GALNT13: variants seen among roughly 807,000 people sequenced by gnomAD.
GALNT13 encodes polypeptide N-acetylgalactosaminyltransferase 13, also known as UDP-GalNAc:polypeptide N-acetylgalactosaminyltransferase 13.
A neutral mutation model predicts 64.2 loss-of-function variants in GALNT13; 28 were observed. The ratio of observed to expected loss-of-function variants is 0.44; its 90% CI spans 0.32 to 0.60. The LOEUF is 0.60. GALNT13 is among the 20% of genes least tolerant of loss of function. GALNT13 has a pLI of 0.05. For synonymous variants in GALNT13, 214 were observed against 224.6 expected (o/e 0.95, Z 0.42); for missense variants, 577 against 669.8 (o/e 0.86, Z 1.53).
At chr2:153,946,634 A>G (rs1045866688) in intron 3 of GALNT13, among the ~76,000 whole-genome samples, 1 of 152,138 alleles carries the variant, frequency 6.6e-6, no homozygotes. Context: ...TCTCTGGGGC[A>G]TATTTTATAA....
the GALNT13 span, among the ~76,000 whole-genome samples, chr2:153,843,736 G>A: frequency 2.6e-5 from 4 of 152,156 alleles, no homozygotes; most frequent in Non-Finnish European, 4.4e-5. Context: ...GACACAATGT[G>A]GTATAGGCAT....
chr2:153,322,287 A>C, the GALNT13 span, among the ~76,000 whole-genome samples: 2 of 151,936 alleles, frequency 1.3e-5, no homozygotes, highest in Non-Finnish European at 1.5e-5. Flanking sequence ...TTCTGCCTTA[A>C]TTTCCTTAGG....
chr2:154,245,037 C>T (rs1689701267), intron 6 of GALNT13, among the ~76,000 whole-genome samples: 1 of 151,562 alleles, frequency 6.6e-6, no homozygotes, highest in Admixed American at 6.6e-5. Context: ...ACCTGGGAGG[C>T]AGAGTTTGCA....
the GALNT13 span, among the ~76,000 whole-genome samples, chr2:153,522,874 A>C: frequency 1.7e-3 from 260 of 152,180 alleles, 1 homozygote; most frequent in African/African-American, 6.0e-3. Context: ...CCAATTTATC[A>C]ATTCCTTCTT....
At chr2:154,022,362 T>G (rs1367713595) in intron 3 of GALNT13, among the ~76,000 whole-genome samples, 1 of 152,186 alleles carries the variant, frequency 6.6e-6, no homozygotes, top group Non-Finnish European at 1.5e-5. Context: ...AAGCTATTGA[T>G]TATTGCCACA....
At chr2:154,439,891 G>A (rs1701197865) in intron 12 of GALNT13, among the ~76,000 whole-genome samples, 1 of 152,054 alleles carries the variant, frequency 6.6e-6, no homozygotes, top group African/African-American at 2.4e-5. Flanking sequence ...TGTTGTACCA[G>A]TGTGATTAAG....
At chr2:154,266,868 C>T (rs930167951) in intron 8 of GALNT13, among the ~76,000 whole-genome samples, 9 of 151,372 alleles carry the variant, frequency 5.9e-5, no homozygotes, top group African/African-American at 1.9e-4. Flanking sequence ...TGATTCTATC[C>T]ATATAGATAT....
At chr2:153,152,580 A>T in the GALNT13 span, among the ~76,000 whole-genome samples, 1 of 151,798 alleles carries the variant, frequency 6.6e-6, no homozygotes, top group African/African-American at 2.4e-5. Context: ...TCCACCCTCC[A>T]AAAGGTCCTA....
the GALNT13 span, chr2:153,446,908 A>G: frequency 6.6e-6 from 1 of 152,244 alleles, no homozygotes; most frequent in East Asian, 1.9e-4. Context: ...AATAATGCAG[A>G]ATAGGAATAT....
the GALNT13 span, among the ~76,000 whole-genome samples, chr2:153,658,787 T>G: frequency 2.6e-5 from 4 of 151,856 alleles, no homozygotes; most frequent in African/African-American, 9.7e-5. Flanking sequence ...TGCTTGCTTT[T>G]TTTTTTTCTT....
the GALNT13 span, among the ~76,000 whole-genome samples, chr2:153,678,696 A>C: frequency 6.6e-6 from 1 of 151,966 alleles, no homozygotes; most frequent in Non-Finnish European, 1.5e-5. Flanking sequence ...GGGGAAAAAA[A>C]GTAGGAGAAA....
chr2:153,818,602 G>T, the GALNT13 span, among the ~76,000 whole-genome samples: 22 of 152,168 alleles, frequency 1.4e-4, no homozygotes, highest in Non-Finnish European at 2.8e-4. Flanking sequence ...GTCAGTCATG[G>T]CTCTGCTTTT....
intron 4 of GALNT13, among the ~76,000 whole-genome samples, chr2:154,187,561 A>G (rs1686325617): frequency 6.6e-6 from 1 of 152,078 alleles, no homozygotes; most frequent in Admixed American, 6.6e-5. Context: ...AGTCAGCTCA[A>G]TGGTACATTT....
At chr2:153,851,662 A>C in the GALNT13 span, among the ~76,000 whole-genome samples, 1 of 152,144 alleles carries the variant, frequency 6.6e-6, no homozygotes, top group Non-Finnish European at 1.5e-5. Flanking sequence ...ATCTCATTGC[A>C]CTTCAGCCTG....
chr2:153,171,096 T>C, the GALNT13 span, among the ~76,000 whole-genome samples: 1 of 152,224 alleles, frequency 6.6e-6, no homozygotes, highest in African/African-American at 2.4e-5. Context: ...TAGTGCACCT[T>C]AAGGGAGATA....
intron 1 of GALNT13, among the ~76,000 whole-genome samples, chr2:153,872,819 A>C (rs1459710523): frequency 6.6e-6 from 1 of 152,118 alleles, no homozygotes; most frequent in Non-Finnish European, 1.5e-5. Context: ...GCCTTCGTAT[A>C]GTGCCCCCTT....
the GALNT13 span, among the ~76,000 whole-genome samples, chr2:153,175,289 A>T: frequency 1.3e-5 from 2 of 152,296 alleles, no homozygotes; most frequent in African/African-American, 4.8e-5. Context: ...GATTAAAACA[A>T]ATATTCTACT....
At chr2:153,437,924 A>G in the GALNT13 span, among the ~76,000 whole-genome samples, 1 of 152,174 alleles carries the variant, frequency 6.6e-6, no homozygotes, top group East Asian at 1.9e-4. Context: ...CCTAGCCTCG[A>G]TGGTCTTTAC....
In GALNT13 at chr2:154,242,867, A is replaced by G; in HGVS notation, c.648A>G (p.Gly216=). The part of the protein sequence containing the change: ...FLDAHCECTL[G]WLEPLLARIK... ...ATGCACACTGTGAATGCACGTTAGG[A>G]TGGCTGGAGCCTTTGCTGGCAAGAA... Residue 216 remains glycine, a synonymous_variant, in exon 6 of 13, where the codon GGA becomes GGG. Transcript: ENST00000392825. The G allele has an allele frequency of 6.2e-7, 1 of 1,614,184 alleles. No individual in the cohort carries two copies. The highest frequency in any genetic ancestry group is 1.1e-5 in the South Asian group (1 of 91,088).
Sources: allele counts gnomAD v4.1 joint callset (sites outside exome capture counted in the v4.1 genomes callset), GRCh38; gene constraint gnomAD v4.1.1; transcripts MANE v1.5; gene names NCBI Gene and HGNC (gene_info 2026-07-23, HGNC 2026-07-21).